MAML3: variants seen among roughly 807,000 people sequenced by gnomAD.
MAML3 encodes the protein mastermind-like protein 3.
Under a neutral mutation model 101.9 loss-of-function variants are expected in MAML3, and 27 were observed. That is an observed-to-expected ratio of 0.27 (90% CI 0.20 to 0.37). The LOEUF (loss-of-function observed/expected upper bound fraction) is 0.37, where lower values mean the gene tolerates loss of function less well. Among genes scored for constraint, MAML3 ranks in the 10% least tolerant of loss-of-function variants. The pLI, the probability that MAML3 is intolerant of heterozygous loss-of-function variation, is 1.00. For synonymous variants in MAML3, 501 were observed against 555.9 expected, an observed-to-expected ratio of 0.90 and a Z score of 1.39; for missense variants, 1,316 against 1,444.9, an observed-to-expected ratio of 0.91 and a Z score of 1.45.
chr4:139,808,347 G>T (rs1415006879), intron 2 of MAML3, among the ~76,000 whole-genome samples: 1 of 152,234 alleles, frequency 6.6e-6, no homozygotes, highest in Non-Finnish European at 1.5e-5. Context: ...TACAAGTGAA[G>T]GGTGTATATC....
chr4:139,950,616 A>G (rs901238468), intron 1 of MAML3, among the ~76,000 whole-genome samples: 11 of 152,160 alleles, frequency 7.2e-5, no homozygotes, highest in Non-Finnish European at 1.5e-4. Context: ...GCCACTTTCC[A>G]TTACAGCACA....
intron 1 of MAML3, among the ~76,000 whole-genome samples, chr4:139,979,183 G>A (rs2110806261): frequency 6.6e-6 from 1 of 152,256 alleles, no homozygotes; most frequent in African/African-American, 2.4e-5. Context: ...AGAGAACTAA[G>A]GATTAGAATG....
At chr4:139,741,624 G>A (rs1239744740) in intron 2 of MAML3, among the ~76,000 whole-genome samples, 1 of 152,102 alleles carries the variant, frequency 6.6e-6, no homozygotes, top group African/African-American at 2.4e-5. Context: ...GTGTGCACCT[G>A]TAGTCCCAAT....
At chr4:139,961,244 T>A (rs1389778987) in intron 1 of MAML3, among the ~76,000 whole-genome samples, 1 of 152,200 alleles carries the variant, frequency 6.6e-6, no homozygotes, top group East Asian at 1.9e-4. Context: ...TATCTTCTTT[T>A]GAGATTATTT....
At chr4:139,958,479 G>A (rs918825284) in intron 1 of MAML3, among the ~76,000 whole-genome samples, 2 of 152,150 alleles carry the variant, frequency 1.3e-5, no homozygotes, top group South Asian at 4.1e-4. Flanking sequence ...AAGCTAAAAG[G>A]TTCGGTGTAC....
rs1560883586 is a variant in MAML3, at chr4:140,069,411, GA to G, written c.468+83448del. Among the ~76,000 whole-genome samples the G allele has an allele frequency of 1.2e-3, 84 of 68,730 alleles. 2 individuals are homozygous for G. The highest frequency in any genetic ancestry group is 1.6e-3 in the East Asian group (3 of 1,822). The allele number at this position is 68,730 out of a possible 152,430, so 45.1% of individuals were successfully genotyped here. On this transcript the variant is annotated intron_variant, in intron 1 of 4. Transcript: ENST00000509479. The stretch of plus-strand genomic sequence containing the variant: ...GGAGGAGGAGGAGGAGGAGGAGGAG[GA>G]GGAGGAGGGGAAGGAGGAGAAGGAG...
chr4:139,970,947 C>T (rs17372835), intron 1 of MAML3, among the ~76,000 whole-genome samples: 44,925 of 151,994 alleles, frequency 0.3, 7,670 homozygotes, highest in East Asian at 0.62. Flanking sequence ...TGGAATCGCC[C>T]ATAATCACAG....
At chr4:139,894,764 A>C (rs1055121886) in intron 1 of MAML3, among the ~76,000 whole-genome samples, 1 of 152,194 alleles carries the variant, frequency 6.6e-6, no homozygotes, top group African/African-American at 2.4e-5. Flanking sequence ...TATTACACAG[A>C]AACTGCTAGA....
At chr4:139,915,444 A>C (rs1262450815) in intron 1 of MAML3, among the ~76,000 whole-genome samples, 2 of 149,652 alleles carry the variant, frequency 1.3e-5, no homozygotes, top group Non-Finnish European at 2.9e-5. Context: ...CCCCATCTCT[A>C]TGTTTAAACC....
intron 2 of MAML3, among the ~76,000 whole-genome samples, chr4:139,862,739 A>G (rs1453657047): frequency 6.6e-6 from 1 of 152,206 alleles, no homozygotes; most frequent in Non-Finnish European, 1.5e-5. Context: ...CCATATAAGA[A>G]GTGGAAAGGG....
intron 1 of MAML3, among the ~76,000 whole-genome samples, chr4:140,056,861 C>A (rs1396335964): frequency 6.6e-6 from 1 of 151,382 alleles, no homozygotes; most frequent in Non-Finnish European, 1.5e-5. Flanking sequence ...TCATAAAAAC[C>A]AATCAGGAGT....
chr4:139,956,903 C>T (rs72712548), intron 1 of MAML3, among the ~76,000 whole-genome samples: 2,927 of 152,302 alleles, frequency 0.019, 43 homozygotes, highest in Non-Finnish European at 0.028. Flanking sequence ...TGACACCAAT[C>T]CACACACACT....
intron 2 of MAML3, among the ~76,000 whole-genome samples, chr4:139,761,159 C>T (rs1053599057): frequency 6.6e-6 from 1 of 152,132 alleles, no homozygotes; most frequent in African/African-American, 2.4e-5. Context: ...GGGGTTTCAC[C>T]ATGTTGGCCA....
At chr4:139,756,497 G>C (rs1729653585) in intron 2 of MAML3, among the ~76,000 whole-genome samples, 1 of 152,160 alleles carries the variant, frequency 6.6e-6, no homozygotes, top group Admixed American at 6.5e-5. Context: ...TGAGAGTCAA[G>C]GACTCCAAGC....
chr4:140,125,720 A>T (rs796578671), intron 1 of MAML3, among the ~76,000 whole-genome samples: 1 of 152,062 alleles, frequency 6.6e-6, no homozygotes, highest in South Asian at 2.1e-4. Context: ...GGCCTCCCAA[A>T]GTGCTAGAAT....
intron 2 of MAML3, among the ~76,000 whole-genome samples, chr4:139,742,710 G>T (rs1323816794): frequency 6.6e-6 from 1 of 152,156 alleles, no homozygotes; most frequent in Non-Finnish European, 1.5e-5. Flanking sequence ...AGTTAAGTTG[G>T]TAGCTAAATA....
At position 140,059,962 on chromosome 4, in the gene MAML3, G is replaced by GATCA. The variant is rs1392964426; in HGVS notation, c.468+92897_468+92898insTGAT. ...AAAGATCCCCAATTTTTGATATGAT[G>GATCA]TGATATATATGATAGAATATCTATT... On this transcript the variant is annotated intron_variant, in intron 1 of 4. Coordinates refer to ENST00000509479, the MANE Select transcript of MAML3 (RefSeq NM_018717.5). Among the ~76,000 whole-genome samples the GATCA allele has an allele frequency of 1.6e-4, 24 of 152,302 alleles. No homozygotes were observed. In the East Asian group the frequency reaches 4.2e-3, roughly 27 times the overall value.
intron 1 of MAML3, among the ~76,000 whole-genome samples, chr4:139,898,061 G>A (rs1426312273): frequency 6.6e-6 from 1 of 152,148 alleles, no homozygotes; most frequent in Non-Finnish European, 1.5e-5. Context: ...TCTCTTGACA[G>A]CCATTTCCTA....
At chr4:140,049,396 G>A (rs1250024321) in intron 1 of MAML3, among the ~76,000 whole-genome samples, 2 of 152,126 alleles carry the variant, frequency 1.3e-5, no homozygotes, top group Non-Finnish European at 2.9e-5. Context: ...GTGTGATATG[G>A]TGCCTCTCAC....
Sources: gnomAD v4.1 joint callset for allele counts (sites outside exome capture counted in the v4.1 genomes callset) on GRCh38, gnomAD v4.1.1 for gene constraint, MANE v1.5 for transcripts, NCBI Gene and HGNC (gene_info 2026-07-23, HGNC 2026-07-21) for gene names.